Variants in ARHGAP15 observed in about 807,000 individuals in gnomAD.
The protein encoded by ARHGAP15 is rho GTPase-activating protein 15.
A neutral mutation model predicts 63.7 loss-of-function variants in ARHGAP15; 51 were observed. The ratio of observed to expected loss-of-function variants is 0.80; its 90% CI spans 0.64 to 1.01. The LOEUF (loss-of-function observed/expected upper bound fraction) is 1.01. ARHGAP15 is among the 50% of genes least tolerant of loss of function. ARHGAP15 has a pLI of 0.00. For synonymous variants in ARHGAP15, 191 were observed against 193.8 expected, an observed-to-expected ratio of 0.99 and a Z score of 0.12; for missense variants, 560 against 564.6, an observed-to-expected ratio of 0.99 and a Z score of 0.08.
chr2:143,766,426 G>A (rs980934287), intron 13 of ARHGAP15, among the ~76,000 whole-genome samples: 1 of 152,084 alleles, frequency 6.6e-6, no homozygotes, highest in Non-Finnish European at 1.5e-5. Context: ...TGTGTTTGAG[G>A]ATTCCTTATT....
At chr2:143,572,418 C>T (rs183220664) in intron 11 of ARHGAP15, among the ~76,000 whole-genome samples, 1 of 152,282 alleles carries the variant, frequency 6.6e-6, no homozygotes, top group Admixed American at 6.5e-5. Context: ...CTCTCTCCCT[C>T]TCCCTTTCCC....
chr2:143,134,068 A>C (rs948732373), intron 1 of ARHGAP15, among the ~76,000 whole-genome samples: 2 of 152,204 alleles, frequency 1.3e-5, no homozygotes, highest in Non-Finnish European at 2.9e-5. Flanking sequence ...AGTTTTTCTA[A>C]TTCAATGAAT....
chr2:143,715,121 G>A (rs555827789), intron 13 of ARHGAP15, among the ~76,000 whole-genome samples: 1 of 152,314 alleles, frequency 6.6e-6, no homozygotes, highest in East Asian at 1.9e-4. Context: ...AGTTCCACAT[G>A]GCTGGGGAGG....
chr2:143,679,865 GTCTA>G (rs1293631513), intron 12 of ARHGAP15, among the ~76,000 whole-genome samples: 3 of 152,112 alleles, frequency 2.0e-5, no homozygotes, highest in Non-Finnish European at 4.4e-5. Flanking sequence ...CAGGCCACCT[GTCTA>G]TCTGACAAAT....
chr2:143,227,045 T>G (rs1693238476), intron 4 of ARHGAP15, among the ~76,000 whole-genome samples: 1 of 152,210 alleles, frequency 6.6e-6, no homozygotes. Flanking sequence ...AAAATCACTT[T>G]TGTGAAATGA....
chr2:143,487,273 G>A (rs1692366326), intron 8 of ARHGAP15, 100 bp from the exon 9 acceptor site: 1 of 1,343,554 alleles, frequency 7.4e-7, no homozygotes, highest in South Asian at 1.5e-5. Flanking sequence ...ATTAATTCAG[G>A]TAGTTGTTTC....
rs1698136951 is a variant in ARHGAP15, at chr2:143,608,692, A to G, written c.1004-15441A>G. 2 of 152,220 alleles carry G rather than the reference A, an allele frequency of 1.3e-5. 1 individual carries two copies. Among genetic ancestry groups the G allele is most frequent in the South Asian group, 4.1e-4 (2 of 4,838 alleles). The allele number at this position is 152,220 out of a possible 1,614,324, so 9.4% of individuals were successfully genotyped here. On this transcript the variant is annotated intron_variant, in intron 11 of 13. Coordinates refer to ENST00000295095, the MANE Select transcript of ARHGAP15 (RefSeq NM_018460.4). ...TGTATGTTTCACAGCCGACTAATAA[A>G]TAAATAACCCTGGTTGTAATTTCAT...
At chr2:143,385,903 A>G (rs1181309268) in intron 6 of ARHGAP15, among the ~76,000 whole-genome samples, 1 of 152,172 alleles carries the variant, frequency 6.6e-6, no homozygotes, top group Non-Finnish European at 1.5e-5. Flanking sequence ...AAGACCAGTT[A>G]AAAGGCCATC....
At chr2:143,472,265 G>T (rs977401404) in intron 8 of ARHGAP15, among the ~76,000 whole-genome samples, 2 of 152,044 alleles carry the variant, frequency 1.3e-5, no homozygotes, top group Admixed American at 6.6e-5. Context: ...TAAAATAAAA[G>T]ATTTCTATAT....
At chr2:143,461,125 AC>A (rs993422569) in intron 8 of ARHGAP15, among the ~76,000 whole-genome samples, 1 of 151,896 alleles carries the variant, frequency 6.6e-6, no homozygotes, top group African/African-American at 2.4e-5. Context: ...CCCTGTCTGT[AC>A]TAAAAATATA....
chr2:143,486,239 G>A (rs2105224909), intron 8 of ARHGAP15, among the ~76,000 whole-genome samples: 1 of 152,090 alleles, frequency 6.6e-6, no homozygotes, highest in South Asian at 2.1e-4. Flanking sequence ...TATATATCTT[G>A]TCTACAGACA....
intron 5 of ARHGAP15, among the ~76,000 whole-genome samples, chr2:143,239,168 A>G (rs762071573): frequency 1.3e-5 from 2 of 151,228 alleles, no homozygotes; most frequent in Non-Finnish European, 3.0e-5. Flanking sequence ...CATCCTGCAC[A>G]TGTACCCTGA....
intron 11 of ARHGAP15, chr2:143,564,232 T>A (rs1696136466): frequency 6.6e-6 from 1 of 152,194 alleles, no homozygotes; most frequent in Non-Finnish European, 1.5e-5. Context: ...TAATCCCATG[T>A]AACATAATCA....
intron 12 of ARHGAP15, among the ~76,000 whole-genome samples, chr2:143,693,746 A>G (rs968915094): frequency 6.6e-6 from 1 of 152,232 alleles, no homozygotes; most frequent in Admixed American, 6.5e-5. Flanking sequence ...GAATCCAAGC[A>G]TCTTATAAAA....
intron 6 of ARHGAP15, among the ~76,000 whole-genome samples, chr2:143,403,053 T>TATAC (rs1391713288): frequency 6.6e-6 from 1 of 151,930 alleles, no homozygotes; most frequent in Non-Finnish European, 1.5e-5. Context: ...AATGCTAAGC[T>TATAC]ATACAAGTAT....
chr2:143,446,585 G>A (rs1197679553), intron 8 of ARHGAP15, among the ~76,000 whole-genome samples: 1 of 151,510 alleles, frequency 6.6e-6, no homozygotes, highest in African/African-American at 2.4e-5. Context: ...TGACACGATG[G>A]CAATCTCTAG....
chr2:143,179,042 A>C (rs1361771209), intron 2 of ARHGAP15, among the ~76,000 whole-genome samples: 1 of 152,218 alleles, frequency 6.6e-6, no homozygotes, highest in East Asian at 1.9e-4. Context: ...AGGTGCATGC[A>C]ATTATCCAGG....
chr2:143,732,907 T>A (rs1216010629), intron 13 of ARHGAP15, among the ~76,000 whole-genome samples: 5 of 140,260 alleles, frequency 3.6e-5, no homozygotes, highest in African/African-American at 1.3e-4. Flanking sequence ...TTTTTGTTTT[T>A]GGGTTTTTTT....
chr2:143,382,709 A>T (rs534537424), intron 6 of ARHGAP15, among the ~76,000 whole-genome samples: 3 of 152,160 alleles, frequency 2.0e-5, no homozygotes, highest in African/African-American at 7.2e-5. Flanking sequence ...TTCCGAAAGA[A>T]ATGTTGACAG....
Sources: allele counts gnomAD v4.1 joint callset (sites outside exome capture counted in the v4.1 genomes callset), GRCh38; gene constraint gnomAD v4.1.1; transcripts MANE v1.5; gene names NCBI Gene and HGNC (gene_info 2026-07-23, HGNC 2026-07-21).